The following PTPRT variants were observed in gnomAD, a reference collection of about 807,000 sequenced individuals.
PTPRT encodes the protein receptor-type tyrosine-protein phosphatase T.
Under a neutral mutation model 176.8 loss-of-function variants are expected in PTPRT, and 56 were observed. The ratio of observed to expected loss-of-function variants is 0.32; its 90% CI spans 0.26 to 0.40. The LOEUF is 0.40. Among genes scored for constraint, PTPRT ranks in the 10% least tolerant of loss-of-function variants. The pLI, the probability that PTPRT is intolerant of heterozygous loss-of-function variation, is 1.00. For synonymous variants in PTPRT, 783 were observed against 739.0 expected (o/e 1.06, Z -0.96); for missense variants, 1,540 against 1,908.2 (o/e 0.81, Z 3.60).
At chr20:42,098,379 G>A (rs1038229914) in intron 27 of PTPRT, 42 bp downstream of exon 27, 6 of 1,609,392 alleles carry the variant, frequency 3.7e-6, no homozygotes, top group Non-Finnish European at 4.2e-6. Flanking sequence ...TTAGAGCATG[G>A]CCCCCCTGAC....
chr20:42,503,178 A>T (rs923768616), intron 7 of PTPRT, among the ~76,000 whole-genome samples: 5 of 151,748 alleles, frequency 3.3e-5, no homozygotes, highest in Non-Finnish European at 7.4e-5. Flanking sequence ...TTCTTATTTC[A>T]TTGATGTATT....
chr20:42,326,186 G>C (rs1295090115), intron 11 of PTPRT, among the ~76,000 whole-genome samples: 1 of 152,206 alleles, frequency 6.6e-6, no homozygotes, highest in Non-Finnish European at 1.5e-5. Context: ...TATGGGGCCA[G>C]TTAGGCAATA....
intron 7 of PTPRT, among the ~76,000 whole-genome samples, chr20:42,511,146 C>T (rs1166949310): frequency 6.6e-6 from 1 of 152,124 alleles, no homozygotes; most frequent in Non-Finnish European, 1.5e-5. Context: ...TAAAGGAGTC[C>T]TCACCAATAA....
intron 1 of PTPRT, among the ~76,000 whole-genome samples, chr20:42,893,147 T>C (rs1233762432): frequency 1.3e-5 from 2 of 151,978 alleles, no homozygotes; most frequent in Non-Finnish European, 2.9e-5. Flanking sequence ...GAATCTACAA[T>C]GAACTCAAAC....
chr20:42,560,472 G>A (rs2072933926), intron 7 of PTPRT, among the ~76,000 whole-genome samples: 1 of 152,176 alleles, frequency 6.6e-6, no homozygotes, highest in Non-Finnish European at 1.5e-5. Context: ...TCTACTCACT[G>A]TGTGCCAGTA....
At chr20:42,901,199 C>T (rs986368373) in intron 1 of PTPRT, among the ~76,000 whole-genome samples, 1 of 152,080 alleles carries the variant, frequency 6.6e-6, no homozygotes, top group Admixed American at 6.6e-5. Flanking sequence ...CACACTTTCT[C>T]TCTCAAACTG....
chr20:42,850,014 G>T (rs1160167792), intron 2 of PTPRT, among the ~76,000 whole-genome samples: 1 of 152,050 alleles, frequency 6.6e-6, no homozygotes, highest in Non-Finnish European at 1.5e-5. Context: ...TAAGCCAAGG[G>T]GTTCTCAACT....
chr20:42,629,190 T>C (rs2074355799), intron 7 of PTPRT, among the ~76,000 whole-genome samples: 1 of 140,786 alleles, frequency 7.1e-6, no homozygotes, highest in African/African-American at 2.7e-5. Context: ...GTGAGGATGC[T>C]TTTTTTTTTT....
chr20:42,684,218 A>C (rs1952694348), intron 6 of PTPRT, among the ~76,000 whole-genome samples: 1 of 151,962 alleles, frequency 6.6e-6, no homozygotes, highest in African/African-American at 2.4e-5. Context: ...GGTGGTAAGC[A>C]CTTGTAATTC....
intron 15 of PTPRT, among the ~76,000 whole-genome samples, chr20:42,235,085 A>T (rs1235201859): frequency 6.6e-6 from 1 of 152,098 alleles, no homozygotes; most frequent in African/African-American, 2.4e-5. Flanking sequence ...ACATCCTTCA[A>T]TCTCTTTCTA....
chr20:42,169,041 T>C (rs1162011852), intron 16 of PTPRT, among the ~76,000 whole-genome samples: 7 of 152,198 alleles, frequency 4.6e-5, no homozygotes, highest in Admixed American at 6.5e-5. Context: ...ACTTTGTTAC[T>C]TGGGATAAAG....
At chr20:42,610,737 G>C (rs990738307) in intron 7 of PTPRT, among the ~76,000 whole-genome samples, 1 of 152,130 alleles carries the variant, frequency 6.6e-6, no homozygotes, top group African/African-American at 2.4e-5. Context: ...TCCATTTAAA[G>C]TGTATAATGC....
intron 1 of PTPRT, among the ~76,000 whole-genome samples, chr20:43,062,032 A>G (rs1987483691): frequency 6.6e-6 from 1 of 152,236 alleles, no homozygotes; most frequent in Admixed American, 6.5e-5. Context: ...CATTTCTAGA[A>G]AAGATCAATC....
At chr20:43,017,668 A>G (rs1985443505) in intron 1 of PTPRT, among the ~76,000 whole-genome samples, 1 of 152,216 alleles carries the variant, frequency 6.6e-6, no homozygotes, top group Non-Finnish European at 1.5e-5. Flanking sequence ...CTGGCAGGAA[A>G]GCTGGACTGG....
At chr20:43,075,572 G>A (rs1056314984) in intron 1 of PTPRT, among the ~76,000 whole-genome samples, 2 of 152,230 alleles carry the variant, frequency 1.3e-5, no homozygotes, top group African/African-American at 4.8e-5. Context: ...AGTGAAATGT[G>A]TTACCCAACT....
At chr20:42,867,018 T>C (rs80260710) in intron 2 of PTPRT, among the ~76,000 whole-genome samples, 1,863 of 152,354 alleles carry the variant, frequency 0.012, 36 homozygotes, top group African/African-American at 0.042. Flanking sequence ...ACTGTCATCC[T>C]ACCATGTAAG....
At chr20:42,842,307 C>T (rs1012286696) in intron 2 of PTPRT, among the ~76,000 whole-genome samples, 1 of 152,216 alleles carries the variant, frequency 6.6e-6, no homozygotes, top group Admixed American at 6.5e-5. Flanking sequence ...AATCAGCAGC[C>T]AGTGCTACAA....
Position 42,908,306 on chromosome 20 carries a change from C to T in PTPRT, c.89-22374G>A, listed in dbSNP as rs904554618. Among the ~76,000 whole-genome samples the T allele has an allele frequency of 5.3e-5, 8 of 151,860 alleles. No homozygotes were observed. The South Asian group carries it at 1.1e-3, about 20-fold the overall frequency. On this transcript the variant is annotated intron_variant, in intron 1 of 30. Coordinates refer to ENST00000373187, the MANE Select transcript of PTPRT (RefSeq NM_007050.6). ...GAAGCACGTCTGAATTTTTATAGCCCGAATCTTAAACACCTTAGGGAGGGA... is the reference window on the plus strand; with the variant it reads ...GAAGCACGTCTGAATTTTTATAGCCTGAATCTTAAACACCTTAGGGAGGGA...
At chr20:42,042,855 GT>G in the PTPRT span, among the ~76,000 whole-genome samples, 1 of 152,256 alleles carries the variant, frequency 6.6e-6, no homozygotes, top group African/African-American at 2.4e-5. Context: ...AGGAATGTGT[GT>G]AGTGTGGTAT....
Sources: allele counts gnomAD v4.1 joint callset (sites outside exome capture counted in the v4.1 genomes callset), GRCh38; gene constraint gnomAD v4.1.1; transcripts MANE v1.5; gene names NCBI Gene and HGNC (gene_info 2026-07-23, HGNC 2026-07-21).